Variants in KIF13A observed in about 807,000 individuals in gnomAD.
The protein encoded by KIF13A is kinesin-like protein KIF13A.
Under a neutral mutation model 212.2 loss-of-function variants are expected in KIF13A, and 79 were observed. The ratio of observed to expected loss-of-function variants is 0.37; its 90% CI spans 0.31 to 0.45. The LOEUF is 0.45. KIF13A is among the 20% of genes least tolerant of loss of function. The probability of loss-of-function intolerance (pLI) is 1.00; values close to 1 mark genes in which losing one functional copy is unlikely to be tolerated. For missense variants in KIF13A, 1,901 were observed against 2,209.0 expected, an observed-to-expected ratio of 0.86 and a Z score of 2.79; for synonymous variants, 789 against 808.6, an observed-to-expected ratio of 0.98 and a Z score of 0.41.
At position 17,763,748 on chromosome 6, in the gene KIF13A, A is replaced by T. The variant is rs1758705129; in HGVS notation, c.*362T>A. The stretch of plus-strand genomic sequence containing the variant: ...TTTTTTCTTAATGATACATAAAATA[A>T]TGGTTCATATAATAATCAAAGGAAT... On this transcript the variant is annotated 3_prime_UTR_variant, in exon 39 of 39. Transcript: ENST00000259711. 1.5e-5 allele frequency: 11 copies of T among 758,148 alleles called. No individual in the cohort carries two copies. The South Asian group carries it at 2.8e-4, about 20-fold the overall frequency. 47.0% of individuals were successfully genotyped at this position (758,148 alleles called of 1,614,324 possible). A position where few individuals can be genotyped will look rare whatever the true frequency, so the allele number is the denominator to read the frequency against.
chr6:17,802,394 C>A (rs1227287734), intron 20 of KIF13A, among the ~76,000 whole-genome samples: 1 of 151,560 alleles, frequency 6.6e-6, no homozygotes, highest in Admixed American at 6.6e-5. Flanking sequence ...CGGGTTCAAG[C>A]CATTCTCCTG....
In KIF13A at chr6:17,789,058, G is replaced by A. The variant is rs191887933; in HGVS notation, c.3261+814C>T. ...CATTTTACATGTAGGAAGGCACACTGGGAAAACATCCTTTGAAGATGTGTA... is the reference window on the plus strand; with the variant it reads ...CATTTTACATGTAGGAAGGCACACTAGGAAAACATCCTTTGAAGATGTGTA... On this transcript the variant is annotated intron_variant, in intron 26 of 38. Transcript: ENST00000259711. The surrounding 1 kb of genome is among the most constrained non-coding windows in gnomAD (Gnocchi z 4.8). Among the ~76,000 whole-genome samples the A allele has an allele frequency of 2.8e-3, 430 of 152,260 alleles. 14 individuals carry two copies. The highest frequency in any genetic ancestry group is 0.025 in the Admixed American group (389 of 15,280).
At chr6:17,935,966 T>C (rs1776424146) in intron 2 of KIF13A, among the ~76,000 whole-genome samples, 1 of 152,132 alleles carries the variant, frequency 6.6e-6, no homozygotes, top group Non-Finnish European at 1.5e-5. Context: ...GCACAGAGGT[T>C]TTTTTTCTTA....
intron 2 of KIF13A, among the ~76,000 whole-genome samples, chr6:17,929,066 A>AC (rs1775748461): frequency 1.8e-5 from 2 of 112,372 alleles, no homozygotes; most frequent in African/African-American, 3.2e-5. Flanking sequence ...TCTCAAAAAA[A>AC]AAAAAAAAAA....
chr6:17,766,429 G>A (rs1329056250), intron 38 of KIF13A, among the ~76,000 whole-genome samples: 1 of 151,922 alleles, frequency 6.6e-6, no homozygotes, highest in Non-Finnish European at 1.5e-5. Flanking sequence ...ATAGAGACAG[G>A]GTTTCTCCAT....
At chr6:17,962,155 A>C (rs560879099) in intron 2 of KIF13A, among the ~76,000 whole-genome samples, 1 of 152,066 alleles carries the variant, frequency 6.6e-6, no homozygotes, top group African/African-American at 2.4e-5. Flanking sequence ...TACTAAAAAT[A>C]CAAAAATTAG....
At position 17,951,125 on chromosome 6, in the gene KIF13A, G is replaced by A. The variant is rs1777809294; in HGVS notation, c.146+35929C>T. ...CCAACCATCCATTTATTCATATGTG[G>A]GGTCTGATGCAATTCACCTCACGCC... On this transcript the variant is annotated intron_variant, in intron 2 of 38. Transcript: ENST00000259711. This position sits in a 1 kb window ranked among gnomAD's most constrained non-coding sequence, Gnocchi z 4.9. 8.4e-7 allele frequency: 1 copy of A among 1,186,896 alleles called. No homozygotes were observed. The highest frequency in any genetic ancestry group is 1.0e-6 in the Non-Finnish European group (1 of 960,098). 73.5% of individuals were successfully genotyped at this position (1,186,896 alleles called of 1,614,324 possible).
intron 2 of KIF13A, among the ~76,000 whole-genome samples, chr6:17,921,152 C>T (rs561681623): frequency 6.6e-6 from 1 of 152,226 alleles, no homozygotes; most frequent in Non-Finnish European, 1.5e-5. Flanking sequence ...TAGGGGGTCC[C>T]ATAATCAAAC....
chr6:17,959,601 A>C (rs1283770349), intron 2 of KIF13A, among the ~76,000 whole-genome samples: 1 of 152,264 alleles, frequency 6.6e-6, no homozygotes, highest in African/African-American at 2.4e-5. Context: ...TTCTGTATCA[A>C]CAAGTAGAGA....
rs1774173247 is a variant in KIF13A, at chr6:17,912,599, G to A, written c.147-14419C>T. ...ACCCCCATTTCCCATTTCTTTATTT[G>A]GGACATGCCACCCTTGTTGAGTTTT... On this transcript the variant is annotated intron_variant, in intron 2 of 38. Coordinates refer to ENST00000259711, the MANE Select transcript of KIF13A (RefSeq NM_022113.6). The surrounding 1 kb of genome is among the most constrained non-coding windows in gnomAD (Gnocchi z 4.2). Among the ~76,000 whole-genome samples, 1 of 152,132 alleles carries A rather than the reference G, an allele frequency of 6.6e-6. No homozygotes were observed.
Position 17,794,554 on chromosome 6 carries a change from C to G in KIF13A, c.3075+18G>C. 6.3e-7 allele frequency: 1 copy of G among 1,584,508 alleles called. No individual in the cohort carries two copies. Among genetic ancestry groups the G allele is most frequent in the Non-Finnish European group, 8.5e-7 (1 of 1,170,994 alleles). ...CAGAGAGAAAACATTAAAAAAAAAC[C>G]CAAAACAAACTCAGTACCTGTCTAA... On this transcript the variant is annotated intron_variant, in intron 24 of 38. Transcript: ENST00000259711. The surrounding 1 kb of genome is among the most constrained non-coding windows in gnomAD (Gnocchi z 4.1).
intron 4 of KIF13A, among the ~76,000 whole-genome samples, chr6:17,864,735 G>A (rs1337870402): frequency 2.0e-5 from 3 of 152,170 alleles, no homozygotes; most frequent in African/African-American, 4.8e-5. Flanking sequence ...AGCCTCAAGT[G>A]AGCCTCCCAC....
chr6:17,831,325 G>C (rs1765431526), intron 12 of KIF13A, 90 bp from the exon 13 acceptor site: 1 of 1,414,188 alleles, frequency 7.1e-7, no homozygotes, highest in East Asian at 2.3e-5. Flanking sequence ...ACTGTTTCTG[G>C]GGACAATGCC....
At chr6:17,851,529 C>T (rs978490942) in intron 7 of KIF13A, among the ~76,000 whole-genome samples, 2 of 152,142 alleles carry the variant, frequency 1.3e-5, no homozygotes, top group Non-Finnish European at 2.9e-5. Context: ...ACAGGCCGGT[C>T]AATGGCAAGA....
rs1778985190 is a variant in KIF13A at position 17,963,106 on chromosome 6, G to C, written c.146+23948C>G. ...TTTAAATGTTGTGACCAATGGAAGT[G>C]AGGTGAGGGAGTAAGAGTGTCATGT... On this transcript the variant is annotated intron_variant, in intron 2 of 38. Coordinates refer to ENST00000259711, the MANE Select transcript of KIF13A (RefSeq NM_022113.6). The surrounding 1 kb of genome is among the most constrained non-coding windows in gnomAD (Gnocchi z 4.1). 6.6e-6 allele frequency among the ~76,000 whole-genome samples: 1 copy of C among 152,214 alleles called. No homozygotes were observed. The highest frequency in any genetic ancestry group is 1.5e-5 in the Non-Finnish European group (1 of 68,034).
At chr6:17,930,811 G>A (rs931885572) in intron 2 of KIF13A, among the ~76,000 whole-genome samples, 2 of 152,194 alleles carry the variant, frequency 1.3e-5, no homozygotes, top group African/African-American at 4.8e-5. Flanking sequence ...CTTGATCATT[G>A]TGAAAATCCA....
In KIF13A at chr6:17,984,034, C is replaced by A. The variant is rs1781333159; in HGVS notation, c.146+3020G>T. ...CAATGCTCCCATCACATTTGCTAAG[C>A]CCTTGCTAAGTGCCAGTATGCAGGA... On this transcript the variant is annotated intron_variant, in intron 2 of 38. Coordinates refer to ENST00000259711, the MANE Select transcript of KIF13A (RefSeq NM_022113.6). This position sits in a 1 kb window ranked among gnomAD's most constrained non-coding sequence, Gnocchi z 5.0. Among the ~76,000 whole-genome samples, 1 of 150,630 alleles carries A rather than the reference C, an allele frequency of 6.6e-6. No homozygotes were observed. Among genetic ancestry groups the A allele is most frequent in the African/African-American group, 2.5e-5 (1 of 40,610 alleles).
At position 17,849,580 on chromosome 6, in the gene KIF13A, C is replaced by A. The variant is rs1182725955; in HGVS notation, c.718-91G>T. ...TATGTTAGCACTATAATTGAGCAAT[C>A]CATCCCACTCTCATATGGCAAATTT... is the stretch of plus-strand genomic sequence containing the variant. On this transcript the variant is annotated intron_variant, in intron 8 of 38. Transcript: ENST00000259711. This position sits in a 1 kb window ranked among gnomAD's most constrained non-coding sequence, Gnocchi z 5.7. 1.2e-6 allele frequency: 1 copy of A among 808,334 alleles called. No individual in the cohort carries two copies. The highest frequency in any genetic ancestry group is 1.9e-6 in the Non-Finnish European group (1 of 516,388). The allele number at this position is 808,334 out of a possible 1,614,324, so 50.1% of individuals were successfully genotyped here. A position where few individuals can be genotyped will look rare whatever the true frequency, so the allele number is the denominator to read the frequency against.
In KIF13A at chr6:17,954,871, G is replaced by A. The variant is rs544369009; in HGVS notation, c.146+32183C>T. Among the ~76,000 whole-genome samples, 13 of 152,186 alleles carry A rather than the reference G, an allele frequency of 8.5e-5. No individual in the cohort carries two copies. In the South Asian group the frequency reaches 2.7e-3, roughly 32 times the overall value. On this transcript the variant is annotated intron_variant, in intron 2 of 38. Transcript: ENST00000259711. The stretch of plus-strand genomic sequence containing the variant: ...AAAAAAAATTTTTTTAAGAGACGGG[G>A]TCTTGCTATGTTGTCCAAGCTGGTC...
Sources: allele counts gnomAD v4.1 joint callset (sites outside exome capture counted in the v4.1 genomes callset), GRCh38; gene constraint gnomAD v4.1.1; non-coding constraint Gnocchi (gnomAD v3.1); transcripts MANE v1.5; gene names NCBI Gene and HGNC (gene_info 2026-07-23, HGNC 2026-07-21).